RABGAP1L: variants seen among roughly 807,000 people sequenced by gnomAD.
RABGAP1L encodes the protein RAB GTPase activating protein 1 like.
Under a neutral mutation model 137.7 loss-of-function variants are expected in RABGAP1L, and 63 were observed. The observed-to-expected ratio is 0.46, with a 90% confidence interval of 0.37 to 0.56. The LOEUF is 0.56. RABGAP1L is among the 20% of genes least tolerant of loss of function. The pLI, the probability that RABGAP1L is intolerant of heterozygous loss-of-function variation, is 0.00. For synonymous variants in RABGAP1L, 431 were observed against 433.7 expected, an observed-to-expected ratio of 0.99 and a Z score of 0.08; for missense variants, 1,095 against 1,244.0, an observed-to-expected ratio of 0.88 and a Z score of 1.80.
intron 5 of RABGAP1L, among the ~76,000 whole-genome samples, chr1:174,247,890 C>T (rs769844764): frequency 6.6e-6 from 1 of 152,020 alleles, no homozygotes; most frequent in South Asian, 2.1e-4. Context: ...TATGGGGAGC[C>T]GCTTTTTTTT....
chr1:174,646,683 T>G (rs1674994330), intron 14 of RABGAP1L, among the ~76,000 whole-genome samples: 1 of 152,210 alleles, frequency 6.6e-6, no homozygotes, highest in Admixed American at 6.5e-5. Flanking sequence ...AGGATTGTCT[T>G]GGCTATACAG....
intron 3 of RABGAP1L, among the ~76,000 whole-genome samples, chr1:174,224,478 A>T (rs1457157326): frequency 1.3e-5 from 2 of 152,172 alleles, no homozygotes; most frequent in East Asian, 1.9e-4. Flanking sequence ...TCAAAAAAAA[A>T]TTTTAAATCT....
intron 13 of RABGAP1L, among the ~76,000 whole-genome samples, chr1:174,623,066 G>T (rs1051234226): frequency 6.6e-6 from 1 of 152,138 alleles, no homozygotes; most frequent in Non-Finnish European, 1.5e-5. Context: ...CAACCTCAGT[G>T]AACAAGTGGT....
At chr1:174,580,695 G>A (rs973666250) in intron 13 of RABGAP1L, among the ~76,000 whole-genome samples, 1 of 152,202 alleles carries the variant, frequency 6.6e-6, no homozygotes, top group African/African-American at 2.4e-5. Context: ...ACGAGTTAAT[G>A]GGTGCAGCGC....
chr1:174,660,513 G>A (rs1264872360), intron 14 of RABGAP1L, among the ~76,000 whole-genome samples: 1 of 152,122 alleles, frequency 6.6e-6, no homozygotes, highest in Non-Finnish European at 1.5e-5. Flanking sequence ...TAACTACCCT[G>A]GTCTAAACTA....
intron 13 of RABGAP1L, among the ~76,000 whole-genome samples, chr1:174,509,332 T>C (rs886927986): frequency 5.3e-5 from 8 of 152,144 alleles, no homozygotes; most frequent in Non-Finnish European, 1.0e-4. Context: ...TTAAAAACAT[T>C]CATTTTTCTT....
In RABGAP1L at chr1:174,209,075, A is replaced by G. The variant is rs931165874; in HGVS notation, c.-33-10050A>G. 6.6e-5 allele frequency among the ~76,000 whole-genome samples: 10 copies of G among 152,222 alleles called. No individual in the cohort carries two copies. In the South Asian group the frequency reaches 1.9e-3, roughly 28 times the overall value. The stretch of plus-strand genomic sequence containing the variant: ...GTTAGATTCTTGTAAGGAGCACTCA[A>G]CCTAGATCCCTCACATGTGCAGTAC... On this transcript the variant is annotated intron_variant, in intron 1 of 25. Coordinates refer to ENST00000681986, the MANE Select transcript of RABGAP1L (RefSeq NM_001366446.1).
chr1:174,176,467 T>G (rs186571006), intron 1 of RABGAP1L, among the ~76,000 whole-genome samples: 45 of 150,946 alleles, frequency 3.0e-4, no homozygotes, highest in Non-Finnish European at 5.9e-4. Flanking sequence ...CCTAGCACTT[T>G]GGGAGGCCGA....
At chr1:174,900,730 G>A (rs1272483776) in intron 19 of RABGAP1L, among the ~76,000 whole-genome samples, 1 of 152,132 alleles carries the variant, frequency 6.6e-6, no homozygotes, top group Non-Finnish European at 1.5e-5. Context: ...ATGTTGGCCA[G>A]GCTAGTCTTG....
intron 13 of RABGAP1L, among the ~76,000 whole-genome samples, chr1:174,430,516 G>A (rs1157645308): frequency 6.6e-6 from 1 of 152,132 alleles, no homozygotes; most frequent in South Asian, 2.1e-4. Context: ...CTAATTGCAT[G>A]AATCTGGGCA....
intron 17 of RABGAP1L, among the ~76,000 whole-genome samples, chr1:174,750,347 G>T (rs1055643902): frequency 2.0e-5 from 2 of 99,498 alleles, no homozygotes; most frequent in Non-Finnish European, 3.9e-5. Context: ...GCCCCTTCCT[G>T]TCGTGATCTG....
At chr1:174,968,841 T>C (rs1194725655) in intron 20 of RABGAP1L, among the ~76,000 whole-genome samples, 1 of 152,208 alleles carries the variant, frequency 6.6e-6, no homozygotes, top group Non-Finnish European at 1.5e-5. Flanking sequence ...GAAAAACAAT[T>C]TGAAGAAATG....
At chr1:174,351,652 C>A (rs546759401) in intron 11 of RABGAP1L, among the ~76,000 whole-genome samples, 1 of 152,152 alleles carries the variant, frequency 6.6e-6, no homozygotes, top group African/African-American at 2.4e-5. Flanking sequence ...ACAACCTTGA[C>A]CTTTGGGTGT....
At position 174,837,496 on chromosome 1, in the gene RABGAP1L, C is replaced by T. The variant is rs1034760655; in HGVS notation, c.2340+25536C>T. ...TTTTGCAAGAATTGGGCAAATCTCACACACAGGGACAGGTGGAAGAGCATG... is the reference window on the plus strand; with the variant it reads ...TTTTGCAAGAATTGGGCAAATCTCATACACAGGGACAGGTGGAAGAGCATG... On this transcript the variant is annotated intron_variant, in intron 19 of 25. Transcript: ENST00000681986. Among the ~76,000 whole-genome samples, 3 of 152,178 alleles carry T rather than the reference C, an allele frequency of 2.0e-5. No homozygotes were observed. In the East Asian group the frequency reaches 5.8e-4, roughly 29 times the overall value.
chr1:174,559,240 G>T (rs1006120292), intron 13 of RABGAP1L, among the ~76,000 whole-genome samples: 1 of 152,018 alleles, frequency 6.6e-6, no homozygotes, highest in Non-Finnish European at 1.5e-5. Flanking sequence ...ATAAGTCTTA[G>T]AACTTTATCT....
chr1:174,723,401 G>C (rs972354468), intron 17 of RABGAP1L, among the ~76,000 whole-genome samples: 12 of 152,156 alleles, frequency 7.9e-5, no homozygotes, highest in Non-Finnish European at 1.8e-4. Flanking sequence ...AAAATTTTTT[G>C]AATATTGGCA....
chr1:174,835,145 G>A (rs2148926582), intron 19 of RABGAP1L, among the ~76,000 whole-genome samples: 1 of 152,202 alleles, frequency 6.6e-6, no homozygotes. Flanking sequence ...AAATATAAAG[G>A]GTTATTCCTA....
intron 12 of RABGAP1L, among the ~76,000 whole-genome samples, chr1:174,383,959 G>T (rs1293178979): frequency 6.6e-6 from 1 of 152,124 alleles, no homozygotes; most frequent in Non-Finnish European, 1.5e-5. Flanking sequence ...TTACCAAAGT[G>T]AAATTAAAAC....
At chr1:174,372,697 G>GT (rs914832133) in intron 12 of RABGAP1L, among the ~76,000 whole-genome samples, 43 of 151,120 alleles carry the variant, frequency 2.8e-4, no homozygotes, top group African/African-American at 7.5e-4. Context: ...AAGTGTTGTT[G>GT]TTTTTTTTTA....
Sources: gnomAD v4.1 joint callset for allele counts (sites outside exome capture counted in the v4.1 genomes callset) on GRCh38, gnomAD v4.1.1 for gene constraint, MANE v1.5 for transcripts, NCBI Gene and HGNC (gene_info 2026-07-23, HGNC 2026-07-21) for gene names.